The following SHISA9 variants were observed in gnomAD, a reference collection of about 807,000 sequenced individuals.
The protein encoded by SHISA9 is shisa family member 9, also known as protein shisa-9.
A neutral mutation model predicts 38.0 loss-of-function variants in SHISA9; 13 were observed. That is an observed-to-expected ratio of 0.34 (90% CI 0.22 to 0.54). The LOEUF is 0.54. Ranked by LOEUF, SHISA9 falls within the 20% of genes least tolerant of loss-of-function variation. The pLI is 0.91. For synonymous variants in SHISA9, 275 were observed against 242.0 expected (o/e 1.14, Z -1.27); for missense variants, 538 against 575.8 (o/e 0.93, Z 0.67).
the SHISA9 span, among the ~76,000 whole-genome samples, chr16:13,488,940 A>AT: frequency 6.6e-6 from 1 of 151,686 alleles, no homozygotes; most frequent in Non-Finnish European, 1.5e-5. Context: ...CGCCTGGCTA[A>AT]TTTTTTGTAT....
At chr16:12,943,164 G>A (rs1369224401) in intron 2 of SHISA9, among the ~76,000 whole-genome samples, 2 of 152,064 alleles carry the variant, frequency 1.3e-5, no homozygotes, top group Non-Finnish European at 2.9e-5. Flanking sequence ...GACGAGGGGA[G>A]GTGGTGCTCT....
the SHISA9 span, among the ~76,000 whole-genome samples, chr16:13,490,990 A>G: frequency 3.9e-5 from 6 of 152,206 alleles, no homozygotes; most frequent in African/African-American, 1.4e-4. Flanking sequence ...CAAGATGTAT[A>G]TTGAAGTTCA....
At chr16:13,066,450 T>TAA (rs2073435682) in intron 2 of SHISA9, among the ~76,000 whole-genome samples, 2 of 152,264 alleles carry the variant, frequency 1.3e-5, no homozygotes, top group African/African-American at 4.8e-5. Context: ...ATAAATTTCA[T>TAA]AAAAACCATC....
the SHISA9 span, among the ~76,000 whole-genome samples, chr16:13,476,727 G>A: frequency 7.1e-6 from 1 of 139,966 alleles, no homozygotes. Flanking sequence ...CCTCAAGCAC[G>A]CCTGTTTTGT....
At chr16:13,092,734 C>A in intron 2 of SHISA9, among the ~76,000 whole-genome samples, 1 of 152,180 alleles carries the variant, frequency 6.6e-6, no homozygotes, top group East Asian at 1.9e-4. Context: ...GTTGTGGCTT[C>A]CCTTGGCTAG....
the SHISA9 span, among the ~76,000 whole-genome samples, chr16:13,367,710 GCGCACACACACACACACA>G: frequency 1.4e-4 from 13 of 90,578 alleles, no homozygotes; most frequent in Admixed American, 4.2e-4. Flanking sequence ...GCGCGCGCGC[GCGCACACACACACACACA>G]CACACACACA....
At chr16:13,189,148 T>C (rs970829969) in intron 2 of SHISA9, among the ~76,000 whole-genome samples, 2 of 152,228 alleles carry the variant, frequency 1.3e-5, no homozygotes, top group African/African-American at 4.8e-5. Flanking sequence ...ATTATAGATA[T>C]ATTTCCATTG....
intron 2 of SHISA9, among the ~76,000 whole-genome samples, chr16:13,055,868 A>G (rs543990451): frequency 6.6e-6 from 1 of 152,344 alleles, no homozygotes; most frequent in South Asian, 2.1e-4. Flanking sequence ...GGAACAAATT[A>G]CCAACTTGCC....
chr16:12,935,887 G>T (rs561358650), intron 2 of SHISA9, among the ~76,000 whole-genome samples: 9 of 151,834 alleles, frequency 5.9e-5, no homozygotes, highest in African/African-American at 2.2e-4. Flanking sequence ...ATATGAGATG[G>T]AGGATATATT....
At chr16:13,064,352 T>C (rs548937062) in intron 2 of SHISA9, among the ~76,000 whole-genome samples, 2 of 152,350 alleles carry the variant, frequency 1.3e-5, no homozygotes, top group Admixed American at 1.3e-4. Context: ...AGGGAGCTTA[T>C]CTTCCTATTG....
At position 13,115,430 on chromosome 16, in the gene SHISA9, G is replaced by A. The variant is rs141769532; in HGVS notation, c.692-87964G>A. Among the ~76,000 whole-genome samples, 477 of 152,310 alleles carry A rather than the reference G, an allele frequency of 3.1e-3. 5 individuals carry two copies. The highest frequency in any genetic ancestry group is 0.011 in the African/African-American group (445 of 41,564). On this transcript the variant is annotated intron_variant, in intron 2 of 4. Transcript: ENST00000558583. ...CTTAAGGGAAACGAAGGGATGGGCC[G>A]AATTAATTGCAGCAGGAACACACCC...
At position 12,902,074 on chromosome 16, in the gene SHISA9, G is replaced by C. The variant is rs2071023575; in HGVS notation, c.10G>C (p.Val4Leu). Reference protein sequence around the residue: MRRVLRLLLGCFLT... With the variant: MRRLLRLLLGCFLT... ...CGGGCTGGGAGACACCATGCGCCGC[G>C]TCCTTCGGCTGCTCCTCGGTTGCTT... is the stretch of plus-strand genomic sequence containing the variant. Residue 4 changes from valine (V) to leucine (L), a missense_variant, in exon 1 of 5, where the codon GTC becomes CTC. Coordinates refer to ENST00000558583, the MANE Select transcript of SHISA9 (RefSeq NM_001145204.3). The C allele has an allele frequency of 1.3e-6, 2 of 1,487,448 alleles. No homozygotes were observed. Among genetic ancestry groups the C allele is most frequent in the Non-Finnish European group, 1.8e-6 (2 of 1,127,434 alleles). The allele number at this position is 1,487,448 out of a possible 1,614,324, so 92.1% of individuals were successfully genotyped here.
chr16:13,393,892 G>A, the SHISA9 span, among the ~76,000 whole-genome samples: 1 of 152,166 alleles, frequency 6.6e-6, no homozygotes, highest in Non-Finnish European at 1.5e-5. Context: ...TTCCTGGGAT[G>A]CTCTGACAAG....
At chr16:12,946,515 A>G (rs2071690275) in intron 2 of SHISA9, among the ~76,000 whole-genome samples, 3 of 152,208 alleles carry the variant, frequency 2.0e-5, no homozygotes, top group African/African-American at 7.2e-5. Context: ...AGGGGAACAG[A>G]GCCAAGCAAG....
intron 2 of SHISA9, among the ~76,000 whole-genome samples, chr16:13,143,091 C>T (rs147106686): frequency 1.8e-4 from 28 of 151,908 alleles, no homozygotes; most frequent in African/African-American, 5.6e-4. Flanking sequence ...ACTGCAACCT[C>T]TGCCTCCCGG....
intron 2 of SHISA9, among the ~76,000 whole-genome samples, chr16:13,046,496 G>A (rs941619496): frequency 2.0e-5 from 3 of 152,132 alleles, no homozygotes; most frequent in African/African-American, 4.8e-5. Flanking sequence ...CAGAAAATGG[G>A]GCTTTGAGAA....
At chr16:12,964,769 T>C (rs939622376) in intron 2 of SHISA9, among the ~76,000 whole-genome samples, 11 of 152,270 alleles carry the variant, frequency 7.2e-5, no homozygotes, top group African/African-American at 2.4e-4. Flanking sequence ...CTCAAAGAAG[T>C]TACTTAACCC....
At chr16:13,162,517 G>T (rs2050603827) in intron 2 of SHISA9, among the ~76,000 whole-genome samples, 1 of 152,174 alleles carries the variant, frequency 6.6e-6, no homozygotes, top group Non-Finnish European at 1.5e-5. Context: ...GAGACTGATT[G>T]CTTGACTGAT....
At chr16:13,129,585 A>G (rs973472995) in intron 2 of SHISA9, among the ~76,000 whole-genome samples, 4 of 152,198 alleles carry the variant, frequency 2.6e-5, no homozygotes, top group Non-Finnish European at 5.9e-5. Flanking sequence ...TAGGAAGAAG[A>G]GGGAACCATT....
Sources: gnomAD v4.1 joint callset for allele counts (sites outside exome capture counted in the v4.1 genomes callset) on GRCh38, gnomAD v4.1.1 for gene constraint, MANE v1.5 for transcripts, NCBI Gene and HGNC (gene_info 2026-07-23, HGNC 2026-07-21) for gene names.